Variants in CRYBG1 observed in about 807,000 individuals in gnomAD.
The protein encoded by CRYBG1 is beta/gamma crystallin domain-containing protein 1.
A neutral mutation model predicts 189.2 loss-of-function variants in CRYBG1; 139 were observed. The observed-to-expected ratio is 0.73, with a 90% confidence interval of 0.64 to 0.85. The LOEUF is 0.85. Ranked by LOEUF, CRYBG1 falls within the 40% of genes least tolerant of loss-of-function variation. CRYBG1 has a pLI of 0.00. For missense variants in CRYBG1, 2,611 were observed against 2,675.8 expected (o/e 0.98, Z 0.53); for synonymous variants, 1,023 against 1,017.1 (o/e 1.01, Z -0.11).
chr6:106,524,620 A>G (rs778526848), intron 4 of CRYBG1, among the ~76,000 whole-genome samples: 11 of 152,258 alleles, frequency 7.2e-5, no homozygotes, highest in Admixed American at 1.3e-4. Flanking sequence ...GAAATATACC[A>G]TATATACCAT....
intron 1 of CRYBG1, among the ~76,000 whole-genome samples, chr6:106,402,776 A>G (rs1770745317): frequency 6.6e-6 from 1 of 152,150 alleles, no homozygotes; most frequent in Non-Finnish European, 1.5e-5. Context: ...CCCTGAGGAA[A>G]TGACCACCGA....
chr6:106,364,792 C>T (rs1377911760), intron 1 of CRYBG1, among the ~76,000 whole-genome samples: 1 of 152,212 alleles, frequency 6.6e-6, no homozygotes, highest in Non-Finnish European at 1.5e-5. Flanking sequence ...TCTTGTTCTT[C>T]TGTTAATACT....
intron 1 of CRYBG1, among the ~76,000 whole-genome samples, chr6:106,375,856 C>T (rs1052853994): frequency 1.3e-5 from 2 of 152,148 alleles, no homozygotes; most frequent in Non-Finnish European, 2.9e-5. Context: ...ACTGAACCCT[C>T]TATATACTAT....
chr6:106,454,525 T>C (rs1771846679), intron 2 of CRYBG1, among the ~76,000 whole-genome samples: 1 of 152,212 alleles, frequency 6.6e-6, no homozygotes, highest in Non-Finnish European at 1.5e-5. Flanking sequence ...CTCTCCCCAG[T>C]GAGCCTGAGC....
chr6:106,496,943 C>T (rs1772864851), intron 2 of CRYBG1, among the ~76,000 whole-genome samples: 1 of 152,200 alleles, frequency 6.6e-6, no homozygotes, highest in Admixed American at 6.5e-5. Context: ...GGCTTGTCCA[C>T]CCCAAGCCTG....
chr6:106,394,343 C>T (rs1770564259), intron 1 of CRYBG1, among the ~76,000 whole-genome samples: 2 of 152,164 alleles, frequency 1.3e-5, no homozygotes, highest in African/African-American at 4.8e-5. Context: ...GTGAGTGCTC[C>T]GTGACCCATT....
intron 1 of CRYBG1, among the ~76,000 whole-genome samples, chr6:106,371,899 C>G (rs951792501): frequency 3.3e-5 from 5 of 152,194 alleles, no homozygotes; most frequent in Non-Finnish European, 5.9e-5. Flanking sequence ...GTATCCTTTC[C>G]TGTTGTTCCA....
chr6:106,361,021 C>T lies in CRYBG1; in HGVS notation c.113C>T (p.Ala38Val), dbSNP rs776143633. 1.3e-6 allele frequency: 2 copies of T among 1,535,100 alleles called. No homozygotes were observed. Among genetic ancestry groups the T allele is most frequent in the Admixed American group, 2.0e-5 (1 of 50,956 alleles). The part of the protein sequence containing the change: ...LWRSKKKQQP[A>V]PPDCGVFVPH... Reference sequence around the variant, plus strand: ...CGCTCCAAAAAGAAGCAGCAGCCGGCGCCGCCTGACTGTGGGGTGTTCGTT... The same window carrying T: ...CGCTCCAAAAAGAAGCAGCAGCCGGTGCCGCCTGACTGTGGGGTGTTCGTT... Residue 38 changes from alanine (A) to valine (V), a missense_variant, in exon 1 of 22, where the codon GCG (alanine) becomes GTG (valine). Ala to Val is a moderately conservative substitution (Grantham distance 64). This residue lies in a region of CRYBG1 where 985 missense variants were observed against 924.4 expected (regional missense o/e 1.07). Transcript: ENST00000633556.
chr6:106,523,528 AG>A (rs996280056), intron 4 of CRYBG1, among the ~76,000 whole-genome samples: 1 of 152,152 alleles, frequency 6.6e-6, no homozygotes, highest in Non-Finnish European at 1.5e-5. Flanking sequence ...TACTTTTTCT[AG>A]GCCTTTTTAT....
chr6:106,555,587 A>G (rs557970025), intron 16 of CRYBG1, among the ~76,000 whole-genome samples, 181 bp from the exon 17 acceptor site: 1 of 152,260 alleles, frequency 6.6e-6, no homozygotes, highest in Non-Finnish European at 1.5e-5. Context: ...ACTTATTATG[A>G]ATATTATTTT....
At position 106,410,420 on chromosome 6, in the gene CRYBG1, TTGG is replaced by T. The variant is rs1300452903; in HGVS notation, c.174-41270_174-41268del. Among the ~76,000 whole-genome samples the T allele has an allele frequency of 3.3e-5, 5 of 152,300 alleles. No homozygotes were observed. In the East Asian group the frequency reaches 9.7e-4, roughly 29 times the overall value. On this transcript the variant is annotated intron_variant, in intron 1 of 21. Transcript: ENST00000633556. ...GAGAAATAGGAACACTTTTACACAGTTGGTGGGAGTGTAAATTAGTTCAACCAT... is the reference window on the plus strand; with the variant it reads ...GAGAAATAGGAACACTTTTACACAGTTGGGAGTGTAAATTAGTTCAACCAT...
intron 3 of CRYBG1, among the ~76,000 whole-genome samples, chr6:106,514,653 A>G (rs1773378421): frequency 6.6e-6 from 1 of 152,204 alleles, no homozygotes; most frequent in Admixed American, 6.5e-5. Flanking sequence ...GTACCTTATG[A>G]AGGATGGTTC....
rs558879305 is a variant in CRYBG1, at chr6:106,368,541, T to C, written c.173+7460T>C. 1.1e-4 allele frequency among the ~76,000 whole-genome samples: 17 copies of C among 152,332 alleles called. No homozygotes were observed. The East Asian group carries it at 3.3e-3, about 29-fold the overall frequency. On this transcript the variant is annotated intron_variant, in intron 1 of 21. Transcript: ENST00000633556. ...GCAAGAATGACCAGCGAATTGCTTA[T>C]GAGTCTCATTAGCTCATTTACAGTT...
chr6:106,437,455 A>G (rs895471838), intron 1 of CRYBG1, among the ~76,000 whole-genome samples: 1 of 151,834 alleles, frequency 6.6e-6, no homozygotes, highest in African/African-American at 2.4e-5. Context: ...TTTTTAAGAG[A>G]TAGCATCTCA....
At position 106,478,929 on chromosome 6, in the gene CRYBG1, G is replaced by A. The variant is rs373799335; in HGVS notation, c.312+27097G>A. ...CTGTCCATCACCCCCAGCTGGGACC[G>A]TCTAGTTGCAGGAAAAGAAACTCAG... is the stretch of plus-strand genomic sequence containing the variant. On this transcript the variant is annotated intron_variant, in intron 2 of 21. Transcript: ENST00000633556. Among the ~76,000 whole-genome samples the A allele has an allele frequency of 5.9e-5, 9 of 152,298 alleles. No homozygotes were observed. The Middle Eastern group carries it at 0.01, about 173-fold the overall frequency.
At chr6:106,374,802 A>G (rs888682314) in intron 1 of CRYBG1, among the ~76,000 whole-genome samples, 1 of 152,224 alleles carries the variant, frequency 6.6e-6, no homozygotes, top group Non-Finnish European at 1.5e-5. Context: ...ACATATATAC[A>G]CATACATACA....
intron 1 of CRYBG1, among the ~76,000 whole-genome samples, chr6:106,445,448 T>G (rs1235561644): frequency 2.0e-5 from 3 of 152,206 alleles, no homozygotes; most frequent in Admixed American, 6.5e-5. Flanking sequence ...CTCTAAGGGA[T>G]CTTCCAACCC....
At chr6:106,473,273 G>A (rs913177762) in intron 2 of CRYBG1, among the ~76,000 whole-genome samples, 1 of 152,122 alleles carries the variant, frequency 6.6e-6, no homozygotes, top group Non-Finnish European at 1.5e-5. Flanking sequence ...ACATCATCCA[G>A]TTTCAACAGC....
At chr6:106,565,194 G>A (rs7775555) in intron 21 of CRYBG1, among the ~76,000 whole-genome samples, 25,169 of 151,870 alleles carry the variant, frequency 0.17, 2,619 homozygotes, top group African/African-American at 0.29. Flanking sequence ...GGTGGTGGGC[G>A]CCTGTAGTCC....
Sources: allele counts gnomAD v4.1 joint callset (sites outside exome capture counted in the v4.1 genomes callset), GRCh38; gene constraint gnomAD v4.1.1; regional missense constraint gnomAD v4.1.1; transcripts MANE v1.5; gene names NCBI Gene and HGNC (gene_info 2026-07-23, HGNC 2026-07-21).